NCOR2: variants seen among roughly 807,000 people sequenced by gnomAD.
The protein encoded by NCOR2 is nuclear receptor corepressor 2.
A neutral mutation model predicts 262.9 loss-of-function variants in NCOR2; 81 were observed. That is an observed-to-expected ratio of 0.31 (90% CI 0.26 to 0.37). The LOEUF (loss-of-function observed/expected upper bound fraction) is 0.37. NCOR2 is among the 10% of genes least tolerant of loss of function. The pLI, the probability that NCOR2 is intolerant of heterozygous loss-of-function variation, is 1.00. For missense variants in NCOR2, 3,385 were observed against 3,621.4 expected (o/e 0.93, Z 1.68); for synonymous variants, 1,659 against 1,559.3 (o/e 1.06, Z -1.51).
intron 19 of NCOR2, 65 bp downstream of exon 21, chr12:124,374,348 C>T (rs560486669): frequency 7.8e-6 from 12 of 1,533,740 alleles, no homozygotes; most frequent in South Asian, 4.5e-5. Context: ...TGTGGAGGAC[C>T]GGGGACCTTG....
At chr12:124,341,696 G>C in intron 34 of NCOR2, 127 bp downstream of exon 36, 1 of 1,410,778 alleles carries the variant, frequency 7.1e-7, no homozygotes, top group South Asian at 1.4e-5. Context: ...CACCCACTCA[G>C]GTCCGTTCAC....
intron 44 of NCOR2, among the ~76,000 whole-genome samples, chr12:124,329,586 T>TA (rs2035006362): frequency 6.6e-6 from 1 of 151,804 alleles, no homozygotes. Context: ...ACAAAAAAGA[T>TA]AAAAAATTAC....
At chr12:124,502,474 CAG>C (rs1305907400) in intron 1 of NCOR2, among the ~76,000 whole-genome samples, 2 of 152,084 alleles carry the variant, frequency 1.3e-5, no homozygotes, top group Non-Finnish European at 2.9e-5. Context: ...AGTGGGCAGT[CAG>C]GGGTGCGTCA....
At chr12:124,467,818 AC>A (rs1184524176) in intron 4 of NCOR2, among the ~76,000 whole-genome samples, 4 of 32,942 alleles carry the variant, frequency 1.2e-4, no homozygotes, top group African/African-American at 2.6e-4. Flanking sequence ...CATCCTTATC[AC>A]CCCCATCACC....
chr12:124,360,948 G>A (rs552748543), intron 22 of NCOR2, among the ~76,000 whole-genome samples: 1 of 152,162 alleles, frequency 6.6e-6, no homozygotes, highest in Non-Finnish European at 1.5e-5. Flanking sequence ...CCAGAGCAGA[G>A]ACTTCCTCTT....
At chr12:124,334,704 G>A (rs1213193739) in intron 40 of NCOR2, 87 bp from the exon 43 acceptor site, 4 of 700,006 alleles carry the variant, frequency 5.7e-6, no homozygotes, top group Non-Finnish European at 8.9e-6. Context: ...CGGAGCTCGG[G>A]GCAGAATCCT....
In NCOR2 at chr12:124,548,400, G is replaced by C. The variant is rs11609965; in HGVS notation, c.-164-12789C>G. ...ATGGGATCCCTCTGGCTGCAACTCAGAGACCAGACAGGTGTGACCAGAGTG... is the reference window on the plus strand; with the variant it reads ...ATGGGATCCCTCTGGCTGCAACTCACAGACCAGACAGGTGTGACCAGAGTG... On this transcript the variant is annotated intron_variant, in intron 1 of 32. Coordinates refer to the NCOR2 transcript ENST00000458234. This position sits in a 1 kb window ranked among gnomAD's most constrained non-coding sequence, Gnocchi z 5.1. 6.6e-6 allele frequency among the ~76,000 whole-genome samples: 1 copy of C among 151,984 alleles called. No homozygotes were observed. The highest frequency in any genetic ancestry group is 2.4e-5 in the African/African-American group (1 of 41,344).
intron 8 of NCOR2, among the ~76,000 whole-genome samples, chr12:124,434,498 C>G (rs1197208707): frequency 6.6e-6 from 1 of 152,140 alleles, no homozygotes; most frequent in Non-Finnish European, 1.5e-5. Context: ...CCCTCCACCC[C>G]CTCCACAGAC....
chr12:124,420,556 C>T lies in NCOR2; in HGVS notation c.1384-501G>A, dbSNP rs867739352. On this transcript the variant is annotated intron_variant, in intron 12 of 46. Transcript: ENST00000405201. ...TCTTCCAAGCCTTGTGCATCGGGAC[C>T]GCCCCACGCCCCACGCCCCACGCGC... is the stretch of plus-strand genomic sequence containing the variant. Among the ~76,000 whole-genome samples, 23 of 152,182 alleles carry T rather than the reference C, an allele frequency of 1.5e-4. No individual in the cohort carries two copies. The Middle Eastern group carries it at 0.014, about 90-fold the overall frequency.
chr12:124,459,359 C>T (rs1252222525), intron 5 of NCOR2, among the ~76,000 whole-genome samples: 1 of 152,118 alleles, frequency 6.6e-6, no homozygotes, highest in Non-Finnish European at 1.5e-5. Context: ...TGGGGTGTTT[C>T]CTTCACCTCC....
chr12:124,457,631 G>A lies in NCOR2; in HGVS notation c.706-469C>T, dbSNP rs1017567576. Among the ~76,000 whole-genome samples, 20 of 152,142 alleles carry A rather than the reference G, an allele frequency of 1.3e-4. No homozygotes were observed. Among genetic ancestry groups the A allele is most frequent in the East Asian group, 3.9e-4 (2 of 5,150 alleles). On this transcript the variant is annotated intron_variant, in intron 5 of 46. Transcript: ENST00000405201. The surrounding 1 kb of genome is among the most constrained non-coding windows in gnomAD (Gnocchi z 4.0). ...GAGGGAGGGTGAGATAGAGGCGCTC[G>A]GAGATACCCTTTCTAGGATTCTTGT... is the stretch of plus-strand genomic sequence containing the variant.
intron 1 of NCOR2, among the ~76,000 whole-genome samples, chr12:124,515,466 GACA>G (rs2049679837): frequency 6.6e-6 from 1 of 151,860 alleles, no homozygotes; most frequent in Non-Finnish European, 1.5e-5. Context: ...ACAAACCTGA[GACA>G]ACGACAATTC....
At chr12:124,534,352 G>A (rs59557324) in intron 1 of NCOR2, among the ~76,000 whole-genome samples, 7,427 of 152,026 alleles carry the variant, frequency 0.049, 401 homozygotes, top group African/African-American at 0.14. Context: ...AGCTACTAAG[G>A]AGGCTGAGGC....
At chr12:124,445,751 T>C (rs2045128037) in intron 7 of NCOR2, among the ~76,000 whole-genome samples, 1 of 152,242 alleles carries the variant, frequency 6.6e-6, no homozygotes, top group Non-Finnish European at 1.5e-5. Context: ...TCAGGCCTCA[T>C]TCACTCCTAT....
chr12:124,412,146 C>T lies in NCOR2; in HGVS notation c.1482+7811G>A, dbSNP rs542408994. ...CCAGAGTGAAGGCGGCCGCACACAG[C>T]GCGGGTCTGAGTCCAGAGACGTCCC... is the stretch of plus-strand genomic sequence containing the variant. On this transcript the variant is annotated intron_variant, in intron 13 of 46. Transcript: ENST00000405201. Among the ~76,000 whole-genome samples the T allele has an allele frequency of 1.1e-4, 17 of 152,404 alleles. No homozygotes were observed. In the South Asian group the frequency reaches 3.3e-3, roughly 30 times the overall value.
rs763585077 is a variant in NCOR2, at chr12:124,346,760, G to A, written c.4163C>T (p.Pro1388Leu). ...GGCCTCGGTCAGGTCCCGTGAGGGC[G>A]GTGGGGGCGGAGGCGTGCCCTCCCG... Residue 1388 changes from proline (P) to leucine (L), a missense_variant, in exon 31 of 47, where the codon CCG (proline) becomes CTG (leucine). Transcript: ENST00000405201. 31 of 1,557,978 alleles carry A rather than the reference G, an allele frequency of 2.0e-5. 1 individual carries two copies. The highest frequency in any genetic ancestry group is 9.5e-5 in the South Asian group (8 of 84,636).
At chr12:124,472,827 G>T in intron 4 of NCOR2, 125 bp downstream of exon 6, 2 of 1,251,864 alleles carry the variant, frequency 1.6e-6, no homozygotes, top group Non-Finnish European at 2.3e-6. Flanking sequence ...AAACGTAAAG[G>T]GCATAAAAAC....
chr12:124,455,411 G>A (rs2045790494), intron 6 of NCOR2, among the ~76,000 whole-genome samples: 1 of 152,226 alleles, frequency 6.6e-6, no homozygotes, highest in Non-Finnish European at 1.5e-5. Context: ...AGCCCTGAAG[G>A]GGTGGGGGAG....
In NCOR2 at chr12:124,340,270, G is replaced by T. The variant is rs759043819; in HGVS notation, c.5488+24C>A. The T allele has an allele frequency of 2.5e-6, 4 of 1,608,074 alleles. No individual in the cohort carries two copies. The South Asian group carries it at 3.3e-5, about 13-fold the overall frequency. On this transcript the variant is annotated intron_variant, in intron 36 of 46. Transcript: ENST00000405201. Reference sequence around the variant, plus strand: ...CGGCCCACAAGGAGTCCCGGAGCGGGGGGTGGGGGCTCTGATGCCCTACCA... The same window carrying T: ...CGGCCCACAAGGAGTCCCGGAGCGGTGGGTGGGGGCTCTGATGCCCTACCA...
Sources: allele counts gnomAD v4.1 joint callset (sites outside exome capture counted in the v4.1 genomes callset), GRCh38; gene constraint gnomAD v4.1.1; non-coding constraint Gnocchi (gnomAD v3.1); transcripts MANE v1.5; gene names NCBI Gene and HGNC (gene_info 2026-07-23, HGNC 2026-07-21).